Variants in XKR4 observed in about 807,000 individuals in gnomAD.
XKR4 encodes the protein XK related 4.
A neutral mutation model predicts 53.9 loss-of-function variants in XKR4; 12 were observed. That is an observed-to-expected ratio of 0.22 (90% CI 0.14 to 0.36). XKR4 has a LOEUF of 0.36. Ranked by LOEUF, XKR4 falls within the 10% of genes least tolerant of loss-of-function variation. The pLI, the probability that XKR4 is intolerant of heterozygous loss-of-function variation, is 1.00. For missense variants in XKR4, 799 were observed against 859.5 expected (o/e 0.93, Z 0.88); for synonymous variants, 354 against 362.4 (o/e 0.98, Z 0.26).
At chr8:55,279,321 A>C (rs1032626434) in intron 1 of XKR4, among the ~76,000 whole-genome samples, 6 of 152,152 alleles carry the variant, frequency 3.9e-5, no homozygotes, top group African/African-American at 1.4e-4. Context: ...TGTAAGAGAC[A>C]CTGACTCTAC....
In XKR4 at chr8:55,387,472, C is replaced by G. The variant is rs184030129; in HGVS notation, c.1006+29595C>G. ...CTTTCTTCTTATGCCTTGCCTCTTT[C>G]CCTAGGCAGAATCTGTGTACTACTT... On this transcript the variant is annotated intron_variant, in intron 2 of 2. Transcript: ENST00000327381. 1.9e-3 allele frequency among the ~76,000 whole-genome samples: 284 copies of G among 152,306 alleles called. 1 individual carries two copies. Among genetic ancestry groups the G allele is most frequent in the African/African-American group, 6.6e-3 (275 of 41,550 alleles).
At chr8:55,244,748 A>G (rs1818260048) in intron 1 of XKR4, among the ~76,000 whole-genome samples, 1 of 152,080 alleles carries the variant, frequency 6.6e-6, no homozygotes, top group Non-Finnish European at 1.5e-5. Flanking sequence ...CTTTTTAATA[A>G]TATCCATTCT....
rs1242229370 is a variant in XKR4 at position 55,277,773 on chromosome 8, G to A, written c.807-79905G>A. Among the ~76,000 whole-genome samples, 3 of 151,954 alleles carry A rather than the reference G, an allele frequency of 2.0e-5. No individual in the cohort carries two copies. In the South Asian group the frequency reaches 6.2e-4, roughly 32 times the overall value. ...TGGGTTGTGGAATAAGACTACAGAG[G>A]GAGGCCCATGTGCCATGTCTAAACA... On this transcript the variant is annotated intron_variant, in intron 1 of 2. Transcript: ENST00000327381.
chr8:55,393,221 C>T (rs944738113), intron 2 of XKR4, among the ~76,000 whole-genome samples: 2 of 151,996 alleles, frequency 1.3e-5, no homozygotes, highest in Admixed American at 1.3e-4. Context: ...AAATAATGCA[C>T]TATGAAGGAG....
At chr8:55,348,691 T>TAAACACAC (rs1554519701) in intron 1 of XKR4, among the ~76,000 whole-genome samples, 5,904 of 136,154 alleles carry the variant, frequency 0.043, 367 homozygotes, top group African/African-American at 0.15. Context: ...CAGACAAACA[T>TAAACACAC]ACACACACAC....
chr8:55,142,436 C>G (rs1816719488), intron 1 of XKR4: 1 of 203,480 alleles, frequency 4.9e-6, no homozygotes, highest in Admixed American at 5.1e-5. Context: ...CCCAGGTCCT[C>G]CTGAAAAGCA....
At chr8:55,156,420 G>C in intron 1 of XKR4, among the ~76,000 whole-genome samples, 1 of 143,138 alleles carries the variant, frequency 7.0e-6, no homozygotes, top group South Asian at 2.5e-4. Flanking sequence ...TGGCGAGGTG[G>C]GGGTGGGGAG....
chr8:55,381,730 G>A (rs918332608), intron 2 of XKR4, among the ~76,000 whole-genome samples: 1 of 152,126 alleles, frequency 6.6e-6, no homozygotes, highest in Non-Finnish European at 1.5e-5. Context: ...GACATACCAG[G>A]AAATAATGCT....
chr8:55,146,158 T>C (rs1417756290), intron 1 of XKR4, among the ~76,000 whole-genome samples: 2 of 152,292 alleles, frequency 1.3e-5, no homozygotes, highest in East Asian at 3.9e-4. Flanking sequence ...ACTACTAGTG[T>C]TCTAAGAGGT....
chr8:55,300,041 C>A (rs1741880655), intron 1 of XKR4, among the ~76,000 whole-genome samples: 1 of 152,074 alleles, frequency 6.6e-6, no homozygotes, highest in African/African-American at 2.4e-5. Flanking sequence ...GTGTCAAAGC[C>A]CCCGCTGTAG....
At chr8:55,269,369 T>G (rs202203637) in intron 1 of XKR4, among the ~76,000 whole-genome samples, 2 of 152,220 alleles carry the variant, frequency 1.3e-5, no homozygotes, top group Non-Finnish European at 2.9e-5. Flanking sequence ...ACAATACTTT[T>G]TTTTTGTATA....
chr8:55,481,654 A>G (rs892843696), intron 2 of XKR4, among the ~76,000 whole-genome samples: 3 of 152,054 alleles, frequency 2.0e-5, no homozygotes, highest in African/African-American at 7.3e-5. Context: ...CATCTGACAA[A>G]GGGCTAATAT....
chr8:55,428,958 G>GA (rs1805057898), intron 2 of XKR4, among the ~76,000 whole-genome samples: 1 of 152,150 alleles, frequency 6.6e-6, no homozygotes, highest in Non-Finnish European at 1.5e-5. Flanking sequence ...AAGTGAACTA[G>GA]AATAGCTCAA....
At chr8:55,257,708 G>A (rs148969111) in intron 1 of XKR4, among the ~76,000 whole-genome samples, 41 of 152,236 alleles carry the variant, frequency 2.7e-4, no homozygotes, top group Middle Eastern at 3.4e-3. Flanking sequence ...TTAGTTATGT[G>A]ACACTTTATT....
chr8:55,413,661 T>C (rs77566678), intron 2 of XKR4, among the ~76,000 whole-genome samples: 18,099 of 152,230 alleles, frequency 0.12, 2,811 homozygotes, highest in African/African-American at 0.36. Context: ...TCTGTTTAAG[T>C]TCTTTAAAAC....
intron 2 of XKR4, among the ~76,000 whole-genome samples, chr8:55,362,116 A>G (rs1362574670): frequency 6.6e-6 from 1 of 152,188 alleles, no homozygotes; most frequent in Non-Finnish European, 1.5e-5. Context: ...AGGATTCGGC[A>G]GACCCTTGGC....
At chr8:55,362,130 T>C (rs1254376733) in intron 2 of XKR4, among the ~76,000 whole-genome samples, 1 of 152,104 alleles carries the variant, frequency 6.6e-6, no homozygotes, top group African/African-American at 2.4e-5. Context: ...CCTTGGCCCA[T>C]TGCATAGGGC....
chr8:55,366,540 TA>T (rs1245260522), intron 2 of XKR4, among the ~76,000 whole-genome samples: 1 of 152,162 alleles, frequency 6.6e-6, no homozygotes, highest in East Asian at 1.9e-4. Context: ...AAGCCTACCT[TA>T]TGTCCCCCTT....
chr8:55,186,262 C>A (rs548123196), intron 1 of XKR4, among the ~76,000 whole-genome samples: 95 of 152,284 alleles, frequency 6.2e-4, no homozygotes, highest in African/African-American at 2.2e-3. Context: ...TCTTCTGATT[C>A]TTGCACATAC....
Sources: allele counts gnomAD v4.1 joint callset (sites outside exome capture counted in the v4.1 genomes callset), GRCh38; gene constraint gnomAD v4.1.1; transcripts MANE v1.5; gene names NCBI Gene and HGNC (gene_info 2026-07-23, HGNC 2026-07-21).